NECTIN3: variants seen among roughly 807,000 people sequenced by gnomAD.
NECTIN3 encodes the protein nectin-3.
Under a neutral mutation model 49.4 loss-of-function variants are expected in NECTIN3, and 8 were observed. That is an observed-to-expected ratio of 0.16 (90% confidence interval 0.10 to 0.29). The LOEUF (loss-of-function observed/expected upper bound fraction) is 0.29, where lower values mean the gene tolerates loss of function less well. NECTIN3 is among the 10% of genes least tolerant of loss of function. The probability of loss-of-function intolerance (pLI) is 1.00; values close to 1 mark genes in which losing one functional copy is unlikely to be tolerated. For synonymous variants in NECTIN3, 277 were observed against 241.1 expected, an observed-to-expected ratio of 1.15 and a Z score of -1.38; for missense variants, 581 against 654.6, an observed-to-expected ratio of 0.89 and a Z score of 1.23.
upstream of NECTIN3, among the ~76,000 whole-genome samples, chr3:111,188,200 T>A (rs1183257394): frequency 6.6e-6 from 1 of 152,210 alleles, no homozygotes; most frequent in Non-Finnish European, 1.5e-5. Flanking sequence ...TAGATTTAAG[T>A]TCCTTATGTA....
chr3:111,144,940 G>A, exon 6 of NECTIN3: 1 of 1,536,312 alleles, frequency 6.5e-7, no homozygotes, highest in African/African-American at 1.4e-5. Flanking sequence ...TGTAGCTGGA[G>A]CGGTAATTGG....
At position 111,187,113 on chromosome 3, in the gene NECTIN3, T is replaced by G. The variant is rs564145199; in HGVS notation, c.1222-5238T>G. On this transcript the variant is annotated intron_variant, in intron 7 of 8. Transcript: ENST00000493615. ...TGGTATAGATGCTTTGGGAGACAGT[T>G]TGGCAGTTTCTTAAAAAACTAAGCA... is the stretch of plus-strand genomic sequence containing the variant. 5.3e-5 allele frequency among the ~76,000 whole-genome samples: 8 copies of G among 152,310 alleles called. No homozygotes were observed. The East Asian group carries it at 1.5e-3, about 29-fold the overall frequency.
At chr3:111,078,760 A>C (rs2031407333) in intron 1 of NECTIN3, among the ~76,000 whole-genome samples, 1 of 152,088 alleles carries the variant, frequency 6.6e-6, no homozygotes, top group South Asian at 2.1e-4. Flanking sequence ...TCCTCTCTTC[A>C]GTTCTATTTC....
intron 1 of NECTIN3, among the ~76,000 whole-genome samples, chr3:111,079,809 G>C (rs1489274004): frequency 3.3e-5 from 5 of 151,886 alleles, no homozygotes; most frequent in Non-Finnish European, 7.4e-5. Context: ...AAATAATACA[G>C]TTGTATTTAA....
intron 5 of NECTIN3, among the ~76,000 whole-genome samples, chr3:111,128,706 C>G (rs1299014744): frequency 1.3e-5 from 2 of 152,166 alleles, no homozygotes; most frequent in Non-Finnish European, 2.9e-5. Context: ...ATTAACAAAT[C>G]AATACCAGCT....
At chr3:111,123,965 C>G (rs1210806832) in intron 4 of NECTIN3, among the ~76,000 whole-genome samples, 2 of 152,084 alleles carry the variant, frequency 1.3e-5, no homozygotes, top group Non-Finnish European at 2.9e-5. Context: ...AACATCTTGT[C>G]TGTTGAATTC....
intron 7 of NECTIN3, among the ~76,000 whole-genome samples, chr3:111,175,527 G>A (rs1337576876): frequency 2.0e-5 from 3 of 151,994 alleles, no homozygotes; most frequent in Admixed American, 2.0e-4. Context: ...TAAATTCCTG[G>A]AGGACAGGGC....
chr3:111,166,970 G>C (rs2035330407), intron 7 of NECTIN3, among the ~76,000 whole-genome samples: 1 of 152,228 alleles, frequency 6.6e-6, no homozygotes, highest in Admixed American at 6.5e-5. Flanking sequence ...TGAACCAGAT[G>C]TAAATGTAGG....
intron 6 of NECTIN3, among the ~76,000 whole-genome samples, chr3:111,146,508 T>C (rs2034880738): frequency 6.6e-6 from 1 of 152,142 alleles, no homozygotes; most frequent in African/African-American, 2.4e-5. Context: ...TTTCTATAAT[T>C]TCAAAAACAA....
chr3:111,181,107 A>G (rs1474557718), intron 7 of NECTIN3, among the ~76,000 whole-genome samples: 1 of 152,124 alleles, frequency 6.6e-6, no homozygotes, highest in Non-Finnish European at 1.5e-5. Context: ...CATCAGTATC[A>G]CCACTACCAC....
At chr3:111,072,353 C>G in intron 1 of NECTIN3, 176 bp downstream of exon 1, 1 of 1,469,854 alleles carries the variant, frequency 6.8e-7, no homozygotes, top group Non-Finnish European at 8.9e-7. Flanking sequence ...CCTGGAAGGG[C>G]CAGGCCAGCG....
intron 7 of NECTIN3, among the ~76,000 whole-genome samples, chr3:111,183,748 T>G (rs2035669993): frequency 1.3e-5 from 2 of 152,186 alleles, no homozygotes; most frequent in South Asian, 4.1e-4. Flanking sequence ...ATTTCTCTGA[T>G]TAAACTATGT....
Position 111,174,841 on chromosome 3 carries a change from C to G in NECTIN3, c.1222-17510C>G, listed in dbSNP as rs576392812. ...TGTAGACGGCTTGAGTGTTAACCAG[C>G]TCAGTGGACCCTCTGCCTTTCTGCA... On this transcript the variant is annotated intron_variant, in intron 7 of 8. Transcript: ENST00000493615. Among the ~76,000 whole-genome samples, 3 of 152,316 alleles carry G rather than the reference C, an allele frequency of 2.0e-5. No homozygotes were observed. The East Asian group carries it at 5.8e-4, about 30-fold the overall frequency.
chr3:111,158,080 T>A (rs1387326805), intron 7 of NECTIN3, among the ~76,000 whole-genome samples: 1 of 152,106 alleles, frequency 6.6e-6, no homozygotes, highest in Non-Finnish European at 1.5e-5. Flanking sequence ...AGAACAAGAT[T>A]TTCTTCTTGA....
downstream of NECTIN3, among the ~76,000 whole-genome samples, chr3:111,138,287 A>G (rs2034649076): frequency 6.6e-6 from 1 of 151,604 alleles, no homozygotes; most frequent in South Asian, 2.1e-4. Flanking sequence ...CTTTGATAAT[A>G]CACAGTTAGA....
At chr3:111,151,969 C>G (rs1244552998) in intron 7 of NECTIN3, among the ~76,000 whole-genome samples, 2 of 151,774 alleles carry the variant, frequency 1.3e-5, no homozygotes, top group African/African-American at 4.8e-5. Context: ...CACACACACA[C>G]TCAGGTGCAT....
rs147832890 is a variant in NECTIN3 at position 111,083,421 on chromosome 3, C to T, written c.160+11244C>T. 2.9e-4 allele frequency among the ~76,000 whole-genome samples: 44 copies of T among 152,198 alleles called. 1 individual carries two copies. The highest frequency in any genetic ancestry group is 8.7e-4 in the African/African-American group (36 of 41,536). On this transcript the variant is annotated intron_variant, in intron 1 of 5. Transcript: ENST00000485303. Reference sequence around the variant, plus strand: ...AGATGAGGTCAGGAGGGTAGAGCCTCATGATGTGATTAGTGTCCTTATAAG... The same window carrying T: ...AGATGAGGTCAGGAGGGTAGAGCCTTATGATGTGATTAGTGTCCTTATAAG...
chr3:111,153,378 A>G (rs761915591), intron 7 of NECTIN3, among the ~76,000 whole-genome samples: 26 of 151,990 alleles, frequency 1.7e-4, no homozygotes, highest in Non-Finnish European at 3.4e-4. Flanking sequence ...ATCTAAAAAT[A>G]TTTGTCAAGA....
intron 5 of NECTIN3, among the ~76,000 whole-genome samples, chr3:111,130,426 C>T (rs2034345484): frequency 6.6e-6 from 1 of 151,814 alleles, no homozygotes; most frequent in Admixed American, 6.6e-5. Flanking sequence ...TTAGTAAAAC[C>T]TAGTAGGCTT....
Sources: gnomAD v4.1 joint callset for allele counts (sites outside exome capture counted in the v4.1 genomes callset) on GRCh38, gnomAD v4.1.1 for gene constraint, MANE v1.5 for transcripts, NCBI Gene and HGNC (gene_info 2026-07-23, HGNC 2026-07-21) for gene names.